Variants in FYN observed in about 807,000 individuals in gnomAD.
FYN encodes the protein tyrosine-protein kinase Fyn.
Under a neutral mutation model 70.2 loss-of-function variants are expected in FYN, and 10 were observed. That is an observed-to-expected ratio of 0.14 (90% CI 0.09 to 0.24). The LOEUF (loss-of-function observed/expected upper bound fraction) is 0.24. Among genes scored for constraint, FYN ranks in the 10% least tolerant of loss-of-function variants. The pLI is 1.00. For synonymous variants in FYN, 236 were observed against 248.6 expected, an observed-to-expected ratio of 0.95 and a Z score of 0.48; for missense variants, 319 against 673.1, an observed-to-expected ratio of 0.47 and a Z score of 5.82.
chr6:111,692,382 C>T (rs999329812), intron 12 of FYN, among the ~76,000 whole-genome samples: 4 of 152,122 alleles, frequency 2.6e-5, no homozygotes, highest in South Asian at 2.1e-4. Context: ...TGCAGAGGAA[C>T]GGCTGGGGGC....
chr6:111,783,229 T>C (rs1279058794), intron 2 of FYN, among the ~76,000 whole-genome samples: 1 of 152,110 alleles, frequency 6.6e-6, no homozygotes, highest in Non-Finnish European at 1.5e-5. Flanking sequence ...TATAAGGGCA[T>C]TGTGACCATT....
chr6:111,719,614 T>C (rs1562489507), intron 4 of FYN, 191 bp downstream of exon 4: 4 of 649,470 alleles, frequency 6.2e-6, no homozygotes, highest in Non-Finnish European at 1.0e-5. Flanking sequence ...TGCAACCCTG[T>C]AGCCAAGCAT....
intron 3 of FYN, among the ~76,000 whole-genome samples, chr6:111,736,851 A>G (rs1583385528): frequency 6.6e-6 from 1 of 152,158 alleles, no homozygotes; most frequent in East Asian, 1.9e-4. Context: ...TGTATTTTCT[A>G]TATAGGTTCA....
At chr6:111,841,201 C>T (rs747518745) in intron 2 of FYN, among the ~76,000 whole-genome samples, 2 of 152,200 alleles carry the variant, frequency 1.3e-5, no homozygotes, top group Admixed American at 6.5e-5. Context: ...GTCATTTTCA[C>T]GCTTTCACAG....
At chr6:111,782,332 C>A (rs1300785579) in intron 2 of FYN, among the ~76,000 whole-genome samples, 2 of 152,132 alleles carry the variant, frequency 1.3e-5, no homozygotes, top group East Asian at 1.9e-4. Context: ...AGCAGGGAGG[C>A]GCTCATCAGG....
At chr6:111,765,692 G>A (rs532230561) in intron 3 of FYN, among the ~76,000 whole-genome samples, 1 of 151,882 alleles carries the variant, frequency 6.6e-6, no homozygotes, top group African/African-American at 2.4e-5. Flanking sequence ...TGGACACAGA[G>A]GTGAATTTTC....
At chr6:111,796,458 T>C (rs1160191654) in intron 2 of FYN, among the ~76,000 whole-genome samples, 1 of 152,236 alleles carries the variant, frequency 6.6e-6, no homozygotes, top group Non-Finnish European at 1.5e-5. Context: ...AGGTGTGTAG[T>C]AGGTTATACC....
intron 2 of FYN, among the ~76,000 whole-genome samples, chr6:111,786,137 G>T (rs1349716007): frequency 1.3e-5 from 2 of 151,680 alleles, no homozygotes; most frequent in African/African-American, 2.4e-5. Context: ...GTATACATGC[G>T]CCATGTTGGT....
intron 2 of FYN, 134 bp downstream of exon 2, chr6:111,846,455 C>T (rs868021275): frequency 3.8e-5 from 15 of 397,848 alleles, no homozygotes; most frequent in African/African-American, 3.1e-4. Context: ...TTCTCCAACT[C>T]GACCTCTCTC....
At chr6:111,681,268 T>C (rs1467308701) in intron 12 of FYN, among the ~76,000 whole-genome samples, 2 of 152,126 alleles carry the variant, frequency 1.3e-5, no homozygotes, top group Non-Finnish European at 2.9e-5. Context: ...CCTCAGGTGA[T>C]CCACCCACCT....
intron 13 of FYN, among the ~76,000 whole-genome samples, chr6:111,668,621 T>A (rs1311992096): frequency 6.6e-6 from 1 of 151,780 alleles, no homozygotes; most frequent in East Asian, 1.9e-4. Context: ...GGGCCGAAAG[T>A]CCCTCTTTGG....
chr6:111,797,533 A>G (rs1248932658), intron 2 of FYN, among the ~76,000 whole-genome samples: 1 of 151,462 alleles, frequency 6.6e-6, no homozygotes, highest in East Asian at 1.9e-4. Flanking sequence ...CTGCATAGTA[A>G]TAGGATAGTG....
Position 111,694,560 on chromosome 6 carries a change from A to G in FYN, c.1120-32T>C. ...AAACCCAGGGAACAGGACATGTTAC[A>G]CCACGACCCAATGTACTTAGACACG... On this transcript the variant is annotated intron_variant, in intron 11 of 13. Transcript: ENST00000354650. The surrounding 1 kb of genome is among the most constrained non-coding windows in gnomAD (Gnocchi z 5.0). The G allele has an allele frequency of 6.2e-7, 1 of 1,613,944 alleles. No individual in the cohort carries two copies. Among genetic ancestry groups the G allele is most frequent in the Non-Finnish European group, 8.5e-7 (1 of 1,179,812 alleles).
chr6:111,692,869 C>T (rs1799398808), intron 12 of FYN, among the ~76,000 whole-genome samples: 2 of 152,202 alleles, frequency 1.3e-5, no homozygotes, highest in South Asian at 4.1e-4. Flanking sequence ...AATTCACATG[C>T]ACATTCCTCT....
At chr6:111,767,539 T>C (rs1451140169) in intron 3 of FYN, among the ~76,000 whole-genome samples, 4 of 152,210 alleles carry the variant, frequency 2.6e-5, no homozygotes, top group African/African-American at 9.6e-5. Context: ...TAGCTGGGAC[T>C]ACAGGCATGC....
At chr6:111,729,765 A>G (rs1039606209) in intron 3 of FYN, among the ~76,000 whole-genome samples, 1 of 152,230 alleles carries the variant, frequency 6.6e-6, no homozygotes, top group African/African-American at 2.4e-5. Context: ...TTGCAACTAT[A>G]TAACAAATGC....
intron 3 of FYN, among the ~76,000 whole-genome samples, chr6:111,773,516 GGTGAGAGAGAGGGGGA>G: frequency 1.4e-5 from 1 of 71,182 alleles, no homozygotes; most frequent in Non-Finnish European, 2.7e-5. Context: ...AGGGAGAGCG[GGTGAGAGAGAGGGGGA>G]GAGGGAGAGG....
At chr6:111,872,112 G>T (rs72944245) in intron 1 of FYN, among the ~76,000 whole-genome samples, 1,768 of 152,132 alleles carry the variant, frequency 0.012, 7 homozygotes, top group South Asian at 0.031. Context: ...TGATTTATTG[G>T]GGGAAGGAGG....
intron 12 of FYN, among the ~76,000 whole-genome samples, chr6:111,691,845 G>C (rs915286107): frequency 2.6e-5 from 4 of 152,334 alleles, no homozygotes; most frequent in African/African-American, 9.6e-5. Context: ...TAGAATGGTA[G>C]ATGCAACAGG....
Sources: allele counts gnomAD v4.1 joint callset (sites outside exome capture counted in the v4.1 genomes callset), GRCh38; gene constraint gnomAD v4.1.1; non-coding constraint Gnocchi (gnomAD v3.1); transcripts MANE v1.5; gene names NCBI Gene and HGNC (gene_info 2026-07-23, HGNC 2026-07-21).